The following C10orf90 variants were observed in gnomAD, a reference collection of about 807,000 sequenced individuals.
C10orf90 encodes the protein (E2-independent) E3 ubiquitin-conjugating enzyme FATS.
C10orf90 carries 56 observed loss-of-function variants against 62.5 expected under a neutral mutation model. The observed-to-expected ratio is 0.90, with a 90% confidence interval of 0.72 to 1.12. The LOEUF (loss-of-function observed/expected upper bound fraction) is 1.12. Among genes scored for constraint, C10orf90 ranks in the 50% most tolerant of loss-of-function variants. The pLI, the probability that C10orf90 is intolerant of heterozygous loss-of-function variation, is 0.00. For synonymous variants in C10orf90, 386 were observed against 340.4 expected, an observed-to-expected ratio of 1.13 and a Z score of -1.47; for missense variants, 970 against 880.4, an observed-to-expected ratio of 1.10 and a Z score of -1.29.
At chr10:126,662,310 G>A (rs544023845) in intron 1 of C10orf90, among the ~76,000 whole-genome samples, 12 of 152,174 alleles carry the variant, frequency 7.9e-5, no homozygotes, top group East Asian at 5.8e-4. Context: ...TAAAGGACCC[G>A]AATGATTCAT....
chr10:126,586,742 C>G (rs1204992838), intron 2 of C10orf90, among the ~76,000 whole-genome samples: 1 of 152,064 alleles, frequency 6.6e-6, no homozygotes, highest in Non-Finnish European at 1.5e-5. Context: ...TGGGGAACAG[C>G]CAGAGGGAGA....
In C10orf90 at chr10:126,612,179, C is replaced by T. The variant is rs554198699; in HGVS notation, c.313+34386G>A. Reference sequence around the variant, plus strand: ...CTAATAAAAATACAAAAATTAGCTGCGCATGGAGGCGCGCACCTGTAATCC... The same window carrying T: ...CTAATAAAAATACAAAAATTAGCTGTGCATGGAGGCGCGCACCTGTAATCC... On this transcript the variant is annotated intron_variant, in intron 2 of 9. Transcript: ENST00000488181. 2.0e-4 allele frequency among the ~76,000 whole-genome samples: 30 copies of T among 152,192 alleles called. No homozygotes were observed. The East Asian group carries it at 2.7e-3, about 14-fold the overall frequency.
intron 2 of C10orf90, among the ~76,000 whole-genome samples, chr10:126,611,331 C>T (rs1845428985): frequency 6.6e-6 from 1 of 152,210 alleles, no homozygotes; most frequent in Admixed American, 6.5e-5. Flanking sequence ...GCCAGGACTT[C>T]ATTCCTTTTT....
rs187877085 is a variant in C10orf90 at position 126,667,097 on chromosome 10, C to T, written c.240+3144G>A. Among the ~76,000 whole-genome samples, 227 of 151,450 alleles carry T rather than the reference C, an allele frequency of 1.5e-3. 1 individual carries two copies. Among genetic ancestry groups the T allele is most frequent in the African/African-American group, 5.0e-3 (205 of 41,286 alleles). Reference sequence around the variant, plus strand: ...CTTTGGAAACAGAGTGTTGCTCTGTCGCCCAGGCTGGAGTGCAGTGGCACA... The same window carrying T: ...CTTTGGAAACAGAGTGTTGCTCTGTTGCCCAGGCTGGAGTGCAGTGGCACA... On this transcript the variant is annotated intron_variant, in intron 1 of 9. Coordinates refer to ENST00000488181, the MANE Select transcript of C10orf90 (RefSeq NM_001350921.2).
intron 2 of C10orf90, among the ~76,000 whole-genome samples, chr10:126,585,674 A>G (rs1206884948): frequency 6.6e-6 from 1 of 152,152 alleles, no homozygotes; most frequent in Non-Finnish European, 1.5e-5. Flanking sequence ...AAGAGTAAAG[A>G]ATAGAGAGCA....
chr10:126,538,979 T>A (rs1436808), intron 2 of C10orf90, among the ~76,000 whole-genome samples: 18 of 152,192 alleles, frequency 1.2e-4, no homozygotes, highest in South Asian at 8.3e-4. Context: ...GGTCCTTGGC[T>A]GATGGGCAAG....
intron 2 of C10orf90, among the ~76,000 whole-genome samples, chr10:126,611,748 T>G (rs1456430442): frequency 6.6e-6 from 1 of 152,190 alleles, no homozygotes; most frequent in South Asian, 2.1e-4. Flanking sequence ...CTTATTGCAG[T>G]GGCCAGAGAT....
chr10:126,527,016 C>T (rs935903398), intron 2 of C10orf90, among the ~76,000 whole-genome samples: 1 of 152,186 alleles, frequency 6.6e-6, no homozygotes, highest in Non-Finnish European at 1.5e-5. Flanking sequence ...AATACTACTA[C>T]TGTGAAAATT....
chr10:126,634,855 G>T (rs916796331), intron 2 of C10orf90, among the ~76,000 whole-genome samples: 2 of 152,136 alleles, frequency 1.3e-5, no homozygotes, highest in Admixed American at 1.3e-4. Flanking sequence ...TCTCAATCTT[G>T]TCTCCTAAGG....
At chr10:126,550,156 A>G (rs1029664048) in intron 2 of C10orf90, among the ~76,000 whole-genome samples, 1 of 151,882 alleles carries the variant, frequency 6.6e-6, no homozygotes, top group African/African-American at 2.4e-5. Flanking sequence ...GGGTTTTGCC[A>G]TGTTGGCCAG....
chr10:126,587,373 G>T (rs554449974), intron 2 of C10orf90, among the ~76,000 whole-genome samples: 1 of 152,218 alleles, frequency 6.6e-6, no homozygotes, highest in Non-Finnish European at 1.5e-5. Flanking sequence ...TCTGGAAGCT[G>T]GAGGTCTGAG....
intron 2 of C10orf90, among the ~76,000 whole-genome samples, chr10:126,610,373 G>A (rs753843913): frequency 6.6e-6 from 1 of 152,216 alleles, no homozygotes; most frequent in Non-Finnish European, 1.5e-5. Flanking sequence ...GGACTGCAAA[G>A]GGCTCAGACA....
intron 2 of C10orf90, among the ~76,000 whole-genome samples, chr10:126,610,846 C>G (rs1266370890): frequency 6.6e-6 from 1 of 152,038 alleles, no homozygotes; most frequent in Non-Finnish European, 1.5e-5. Context: ...AAATGAAGCC[C>G]CATCTGAAAA....
chr10:126,564,860 T>C (rs1359112426), intron 2 of C10orf90, among the ~76,000 whole-genome samples: 1 of 6,784 alleles, frequency 1.5e-4, no homozygotes, highest in African/African-American at 5.5e-4. Context: ...TTATATAAAA[T>C]ATATATTATA....
intron 7 of C10orf90, among the ~76,000 whole-genome samples, chr10:126,454,680 G>A (rs567878842): frequency 3.9e-5 from 6 of 152,076 alleles, no homozygotes; most frequent in Non-Finnish European, 7.4e-5. Flanking sequence ...CAGGGGCTGT[G>A]CCTGATGCTT....
intron 4 of C10orf90, among the ~76,000 whole-genome samples, chr10:126,486,656 A>G (rs1861451402): frequency 6.6e-6 from 1 of 152,222 alleles, no homozygotes; most frequent in South Asian, 2.1e-4. Flanking sequence ...TGATTTCAAA[A>G]GAGCTAGAAA....
intron 2 of C10orf90, among the ~76,000 whole-genome samples, chr10:126,574,696 A>G (rs1192410401): frequency 6.6e-6 from 1 of 152,074 alleles, no homozygotes; most frequent in Non-Finnish European, 1.5e-5. Flanking sequence ...AAAACTAATA[A>G]TATTAATTAA....
chr10:126,491,753 A>C (rs903228202), intron 4 of C10orf90, among the ~76,000 whole-genome samples: 1 of 152,262 alleles, frequency 6.6e-6, no homozygotes, highest in African/African-American at 2.4e-5. Flanking sequence ...ACAAGATATA[A>C]ACCAGAATTA....
chr10:126,523,517 A>T (rs1344053752), intron 2 of C10orf90: 3 of 152,204 alleles, frequency 2.0e-5, no homozygotes, highest in Non-Finnish European at 4.4e-5. Context: ...ATATTTTTCC[A>T]TGCATTGCGG....
Sources: gnomAD v4.1 joint callset for allele counts (sites outside exome capture counted in the v4.1 genomes callset) on GRCh38, gnomAD v4.1.1 for gene constraint, MANE v1.5 for transcripts, NCBI Gene and HGNC (gene_info 2026-07-23, HGNC 2026-07-21) for gene names.